The following HPS1 variants were observed in gnomAD, a reference collection of about 807,000 sequenced individuals.
HPS1 encodes HPS1 biogenesis of lysosomal organelles complex 3 subunit 1.
Under a neutral mutation model 90.6 loss-of-function variants are expected in HPS1, and 59 were observed. The ratio of observed to expected loss-of-function variants is 0.65; its 90% CI spans 0.53 to 0.81. The LOEUF (loss-of-function observed/expected upper bound fraction) is 0.81, where lower values mean the gene tolerates loss of function less well. Among genes scored for constraint, HPS1 ranks in the 30% least tolerant of loss-of-function variants. HPS1 has a pLI of 0.00. For synonymous variants in HPS1, 388 were observed against 384.4 expected (o/e 1.01, Z -0.11); for missense variants, 849 against 896.7 (o/e 0.95, Z 0.68).
chr10:98,429,242 A>G, intron 10 of HPS1: 2 of 1,130,868 alleles, frequency 1.8e-6, no homozygotes, highest in South Asian at 3.7e-5. Context: ...ATGTATAGAA[A>G]TTAGATGATT....
chr10:98,433,186 T>C (rs1367515515), intron 6 of HPS1, among the ~76,000 whole-genome samples: 4 of 148,980 alleles, frequency 2.7e-5, no homozygotes, highest in Non-Finnish European at 5.9e-5. Flanking sequence ...GAGCCAAGAT[T>C]GCTCCACTGC....
At chr10:98,433,855 T>C (rs1846889296) in intron 6 of HPS1, 128 bp downstream of exon 6, 2 of 1,361,758 alleles carry the variant, frequency 1.5e-6, no homozygotes, top group Non-Finnish European at 2.0e-6. Flanking sequence ...AACAACTCTC[T>C]CTGAATACAC....
At chr10:98,423,286 C>A (rs888416718) in intron 16 of HPS1, among the ~76,000 whole-genome samples, 1 of 122,532 alleles carries the variant, frequency 8.2e-6, no homozygotes, top group African/African-American at 3.0e-5. Context: ...GGAACCCCCC[C>A]CCCGGTCCCC....
At position 98,423,738 on chromosome 10, in the gene HPS1, C is replaced by T. The variant is rs374047788; in HGVS notation, c.1532+15G>A. 1.2e-6 allele frequency: 2 copies of T among 1,614,076 alleles called. No homozygotes were observed. On this transcript the variant is annotated intron_variant, in intron 15 of 19. Coordinates refer to ENST00000361490, the MANE Select transcript of HPS1 (RefSeq NM_000195.5). Reference sequence around the variant, plus strand: ...GACCCTGCCCTGGCCACCCAGGGGGCCGCACTGCACTTACCGCATGAGCCT... The same window carrying T: ...GACCCTGCCCTGGCCACCCAGGGGGTCGCACTGCACTTACCGCATGAGCCT...
chr10:98,441,501 A>G (rs534459058), intron 3 of HPS1, among the ~76,000 whole-genome samples: 1 of 152,354 alleles, frequency 6.6e-6, no homozygotes, highest in Admixed American at 6.5e-5. Flanking sequence ...AGCATAATCC[A>G]TAAATGCAAA....
rs1844522256 is a variant in HPS1, at chr10:98,419,214, T to C, written c.1857+831A>G. ...GCTGTCACCCTCAGTGAACAAAGAG[T>C]GCAGGGTGGGGGCAGGGGAAGGCAC... On this transcript the variant is annotated intron_variant, in intron 18 of 19. Transcript: ENST00000361490. 2.0e-5 allele frequency among the ~76,000 whole-genome samples: 3 copies of C among 151,172 alleles called. No individual in the cohort carries two copies. In the South Asian group the frequency reaches 6.3e-4, roughly 32 times the overall value.
chr10:98,428,346 C>T (rs1397051990), intron 10 of HPS1, among the ~76,000 whole-genome samples: 2 of 152,222 alleles, frequency 1.3e-5, no homozygotes, highest in Non-Finnish European at 2.9e-5. Context: ...TCAGCATCTC[C>T]GGGTACAGGC....
chr10:98,424,915 G>A (rs973383010), intron 13 of HPS1, among the ~76,000 whole-genome samples: 1 of 151,982 alleles, frequency 6.6e-6, no homozygotes, highest in Non-Finnish European at 1.5e-5. Flanking sequence ...GCCACAATGG[G>A]TCCCAGCTCC....
chr10:98,435,127 G>T lies in HPS1; in HGVS notation c.398+145C>A, dbSNP rs112463509. 0.054 allele frequency: 47,470 copies of T among 884,218 alleles called. 1,489 individuals carry two copies. The highest frequency in any genetic ancestry group is 0.078 in the Middle Eastern group (231 of 2,968). The allele number at this position is 884,218 out of a possible 1,614,324, so 54.8% of individuals were successfully genotyped here. On this transcript the variant is annotated intron_variant, in intron 5 of 19. Coordinates refer to ENST00000361490, the MANE Select transcript of HPS1 (RefSeq NM_000195.5). The surrounding 1 kb of genome is among the most constrained non-coding windows in gnomAD (Gnocchi z 4.3). ...AGGGTCAGACCAGATGGTCTCCAAG[G>T]TTCACTTGAGCTGTTTCTCTGACCT...
At chr10:98,446,327 C>T (rs1939536611) in intron 1 of HPS1, among the ~76,000 whole-genome samples, 1 of 152,200 alleles carries the variant, frequency 6.6e-6, no homozygotes, top group South Asian at 2.1e-4. Context: ...CTGAGACTTC[C>T]GCTTCACCTC....
chr10:98,425,555 C>T lies in HPS1; in HGVS notation c.1321G>A (p.Ala441Thr), dbSNP rs781013843. ...TTGGGTCTCACCTGAATCTCCTGTG[C>T]CCCTCGATTCTTGACAAACTTGTCC... Reference protein sequence around the residue: ...RMDKFVKNRGAQEIQSTWLEF... With the variant: ...RMDKFVKNRGTQEIQSTWLEF... Residue 441 changes from alanine (A) to threonine (T), a missense_variant, in exon 13 of 20, where the codon GCA becomes ACA. Physicochemically the swap from Ala to Thr is moderately conservative, Grantham distance 58 (BLOSUM62 0). Coordinates refer to ENST00000361490, the MANE Select transcript of HPS1 (RefSeq NM_000195.5). 2 of 1,611,312 alleles carry T rather than the reference C, an allele frequency of 1.2e-6. No homozygotes were observed. Among genetic ancestry groups the T allele is most frequent in the East Asian group, 2.2e-5 (1 of 44,822 alleles).
chr10:98,420,482 G>A, intron 17 of HPS1: 1 of 356,082 alleles, frequency 2.8e-6, no homozygotes, highest in South Asian at 2.2e-5. Context: ...GGGAGGCTGA[G>A]GTAGGTGGAT....
At chr10:98,429,415 T>C (rs1591076535) in intron 10 of HPS1, 158 bp downstream of exon 10, 1 of 1,540,562 alleles carries the variant, frequency 6.5e-7, no homozygotes, top group South Asian at 1.2e-5. Flanking sequence ...GCAGGGAAGA[T>C]GGGGAGCCGC....
chr10:98,429,750 TC>T (rs765129542), intron 9 of HPS1, 40 bp downstream of exon 9: 1 of 1,612,804 alleles, frequency 6.2e-7, no homozygotes, highest in East Asian at 2.2e-5. Flanking sequence ...CAGAGGCCGA[TC>T]CCCTCCTGCC....
intron 18 of HPS1, among the ~76,000 whole-genome samples, chr10:98,418,928 T>A (rs1591011869): frequency 6.6e-6 from 1 of 152,230 alleles, no homozygotes; most frequent in East Asian, 1.9e-4. Context: ...ACTTCTGTTG[T>A]ACACACGTCC....
intron 3 of HPS1, among the ~76,000 whole-genome samples, chr10:98,441,220 C>T (rs1297864079): frequency 6.6e-6 from 1 of 152,090 alleles, no homozygotes; most frequent in African/African-American, 2.4e-5. Context: ...ATCTGGAAAA[C>T]ATTTTCAAAA....
chr10:98,434,037 G>A lies in HPS1; in HGVS notation c.453C>T (p.Ser151=). ...GCAGGCGGCTGTAGGTCCACAGCAG[G>A]CTCTGGAAGTGCTCCCACAGCTGGA... ...QRVQLWEHFQ[S]LLWTYSRLRE... Residue 151 remains serine, a synonymous_variant, in exon 6 of 20, where the codon AGC becomes AGT. Coordinates refer to ENST00000361490, the MANE Select transcript of HPS1 (RefSeq NM_000195.5). 1.3e-6 allele frequency: 2 copies of A among 1,556,394 alleles called. No homozygotes were observed. Among genetic ancestry groups the A allele is most frequent in the South Asian group, 1.2e-5 (1 of 84,366 alleles).
At position 98,418,665 on chromosome 10, in the gene HPS1, C is replaced by T. The variant is rs574210740; in HGVS notation, c.1858-408G>A. ...GGGAATTAAGATCTGCTGGACGTGC[C>T]GTGTGTGCCAGGCATGAACATGGCA... On this transcript the variant is annotated intron_variant, in intron 18 of 19. Transcript: ENST00000361490. Among the ~76,000 whole-genome samples, 19 of 152,352 alleles carry T rather than the reference C, an allele frequency of 1.2e-4. No homozygotes were observed. In the South Asian group the frequency reaches 3.7e-3, roughly 30 times the overall value.
Position 98,417,815 on chromosome 10 carries a change from G to T in HPS1, c.1941-89C>A. On this transcript the variant is annotated intron_variant, in intron 19 of 19. Coordinates refer to ENST00000361490, the MANE Select transcript of HPS1 (RefSeq NM_000195.5). The surrounding 1 kb of genome is among the most constrained non-coding windows in gnomAD (Gnocchi z 4.2). ...CCTCTCTGGGCCCTCGCAAGCAAATGCCCATGCCCTCGGTCATCTCACTAG... is the reference window on the plus strand; with the variant it reads ...CCTCTCTGGGCCCTCGCAAGCAAATTCCCATGCCCTCGGTCATCTCACTAG... 2 of 1,271,848 alleles carry T rather than the reference G, an allele frequency of 1.6e-6. No individual in the cohort carries two copies. The highest frequency in any genetic ancestry group is 2.3e-6 in the Non-Finnish European group (2 of 879,134). 78.8% of individuals were successfully genotyped at this position (1,271,848 alleles called of 1,614,324 possible).
Sources: allele counts gnomAD v4.1 joint callset (sites outside exome capture counted in the v4.1 genomes callset), GRCh38; gene constraint gnomAD v4.1.1; non-coding constraint Gnocchi (gnomAD v3.1); transcripts MANE v1.5; gene names NCBI Gene and HGNC (gene_info 2026-07-23, HGNC 2026-07-21).